The following WNT5A variants were observed in gnomAD, a reference collection of about 807,000 sequenced individuals.
WNT5A encodes the protein Wnt family member 5A.
Under a neutral mutation model 42.1 loss-of-function variants are expected in WNT5A, and 9 were observed. That is an observed-to-expected ratio of 0.21 (90% CI 0.13 to 0.37). WNT5A has a LOEUF of 0.37. Among genes scored for constraint, WNT5A ranks in the 10% least tolerant of loss-of-function variants. The pLI is 1.00. For synonymous variants in WNT5A, 210 were observed against 210.0 expected (o/e 1.00, Z 0.00); for missense variants, 426 against 534.0 (o/e 0.80, Z 1.99).
chr3:55,474,320 C>T lies in WNT5A; in HGVS notation c.684+17G>A. On this transcript the variant is annotated intron_variant, in intron 4 of 4. Transcript: ENST00000264634. ...AGAAGACAGAGATGCGGGGCGGGGGCGAGACGCGGCACTCACCCTGCGGCC... is the reference window on the plus strand; with the variant it reads ...AGAAGACAGAGATGCGGGGCGGGGGTGAGACGCGGCACTCACCCTGCGGCC... The T allele has an allele frequency of 1.9e-6, 3 of 1,612,252 alleles. No homozygotes were observed. The highest frequency in any genetic ancestry group is 3.3e-5 in the Admixed American group (2 of 59,986).
intron 1 of WNT5A, among the ~76,000 whole-genome samples, chr3:55,484,865 T>C (rs1190666886): frequency 2.0e-5 from 3 of 152,188 alleles, no homozygotes; most frequent in African/African-American, 7.2e-5. Context: ...TAAAGGTAGT[T>C]TCTCTCCCAC....
At chr3:55,479,071 T>C in intron 3 of WNT5A, 1 of 343,386 alleles carries the variant, frequency 2.9e-6, no homozygotes, top group Non-Finnish European at 5.2e-6. Flanking sequence ...AAAAATTAAG[T>C]GTTTGCAAAA....
the WNT5A span, among the ~76,000 whole-genome samples, chr3:55,502,988 A>G: frequency 2.0e-5 from 3 of 152,224 alleles, no homozygotes; most frequent in Non-Finnish European, 2.9e-5. Flanking sequence ...CTGAATTTTT[A>G]AAACCTGGTG....
the WNT5A span, among the ~76,000 whole-genome samples, chr3:55,497,083 G>A: frequency 2.6e-5 from 4 of 152,276 alleles, no homozygotes; most frequent in South Asian, 2.1e-4. Context: ...AGATCACACC[G>A]GTTTGTCCAT....
In WNT5A at chr3:55,468,220, T is replaced by C. The variant is rs1361886093; in HGVS notation, c.*1872A>G. ...AATTAATAAGTACTGTCATTTCTAATAGGCATGGGTTTCCATTCTGCAGAA... is the reference window on the plus strand; with the variant it reads ...AATTAATAAGTACTGTCATTTCTAACAGGCATGGGTTTCCATTCTGCAGAA... On this transcript the variant is annotated 3_prime_UTR_variant, in exon 5 of 5. Transcript: ENST00000264634. 1 of 150,972 alleles carries C rather than the reference T, an allele frequency of 6.6e-6. No homozygotes were observed. Among genetic ancestry groups the C allele is most frequent in the Non-Finnish European group, 1.5e-5 (1 of 67,810 alleles). The allele number at this position is 150,972 out of a possible 1,614,324, so 9.4% of individuals were successfully genotyped here.
At chr3:55,482,489 T>A (rs1215089602) in intron 1 of WNT5A, among the ~76,000 whole-genome samples, 3 of 152,316 alleles carry the variant, frequency 2.0e-5, no homozygotes, top group Non-Finnish European at 2.9e-5. Context: ...GCTTGGAACC[T>A]GTGCCGTAAA....
chr3:55,468,488 G>A lies in WNT5A; in HGVS notation c.*1604C>T, dbSNP rs2106877877. 1 of 152,162 alleles carries A rather than the reference G, an allele frequency of 6.6e-6. No homozygotes were observed. Among genetic ancestry groups the A allele is most frequent in the Middle Eastern group, 3.4e-3 (1 of 294 alleles). The allele number at this position is 152,162 out of a possible 1,614,324, so 9.4% of individuals were successfully genotyped here. ...CGTGCTCAAGGTATGATCACAGCAG[G>A]GCCACAGCCCAAGCTCAAGACTCAA... is the stretch of plus-strand genomic sequence containing the variant. On this transcript the variant is annotated 3_prime_UTR_variant, in exon 5 of 5. Coordinates refer to ENST00000264634, the MANE Select transcript of WNT5A (RefSeq NM_003392.7).
rs781617053 is a variant in WNT5A, at chr3:55,470,410, G to A, written c.825C>T (p.Ala275=). 6.2e-7 allele frequency: 1 copy of A among 1,613,440 alleles called. No individual in the cohort carries two copies. The highest frequency in any genetic ancestry group is 8.5e-7 in the Non-Finnish European group (1 of 1,179,682). ...ALKEKYDSAA[A]MRLNSRGKLV... is the part of the protein sequence containing the mutation. ...ACTTGCCCCGGCTGTTGAGCCGCAT[G>A]GCCGCCGCGCTGTCGTACTTCTCCT... The change falls in exon 5 of 5, where the codon GCC becomes GCT. Residue 275 remains alanine, a synonymous_variant. Transcript: ENST00000264634.
Position 55,483,415 on chromosome 3 carries a change from A to G in WNT5A, c.7-2497T>C, listed in dbSNP as rs979440923. ...AAGAACTCACAGCGAACTCACACAT[A>G]CATCGGCTCTGTAGGGTAAAACATC... is the stretch of plus-strand genomic sequence containing the variant. On this transcript the variant is annotated intron_variant, in intron 1 of 4. Transcript: ENST00000264634. The surrounding 1 kb of genome is among the most constrained non-coding windows in gnomAD (Gnocchi z 4.2). Among the ~76,000 whole-genome samples the G allele has an allele frequency of 1.3e-5, 2 of 152,140 alleles. No homozygotes were observed. Among genetic ancestry groups the G allele is most frequent in the Non-Finnish European group, 2.9e-5 (2 of 68,016 alleles).
intron 1 of WNT5A, among the ~76,000 whole-genome samples, chr3:55,484,362 G>C (rs1276051697): frequency 6.6e-6 from 1 of 152,192 alleles, no homozygotes; most frequent in Non-Finnish European, 1.5e-5. Flanking sequence ...AGGCGGGTAG[G>C]AGGTCCGCTT....
the WNT5A span, among the ~76,000 whole-genome samples, chr3:55,504,525 G>A: frequency 8.6e-5 from 13 of 150,524 alleles, no homozygotes; most frequent in South Asian, 4.2e-4. Context: ...GCTCAATGGC[G>A]CGATATCGGC....
chr3:55,470,303 C>T lies in WNT5A; in HGVS notation c.932G>A (p.Arg311His), dbSNP rs752974227. ...GCCCAGCGAGCCGGTGCTCTCATTG[C>T]GCACGCAGTAGTCAGGGCTGGGGTC... ...YIDPSPDYCV[R>H]NESTGSLGTQ... Residue 311 changes from arginine to histidine, a missense_variant, in exon 5 of 5, where the codon CGC becomes CAC. Arg to His is a conservative substitution (Grantham distance 29, BLOSUM62 0). Around this residue, in one of 3 missense-constraint regions of WNT5A, gnomAD observed 358 missense variants for 468.1 expected, o/e 0.76. Coordinates refer to ENST00000264634, the MANE Select transcript of WNT5A (RefSeq NM_003392.7). 6.2e-7 allele frequency: 1 copy of T among 1,614,046 alleles called. No individual in the cohort carries two copies. Among genetic ancestry groups the T allele is most frequent in the Non-Finnish European group, 8.5e-7 (1 of 1,179,908 alleles).
In WNT5A at chr3:55,468,184, C is replaced by G. The variant is rs950775451; in HGVS notation, c.*1908G>C. 4 of 148,590 alleles carry G rather than the reference C, an allele frequency of 2.7e-5. No individual in the cohort carries two copies. Among genetic ancestry groups the G allele is most frequent in the Admixed American group, 6.8e-5 (1 of 14,806 alleles). The allele number at this position is 148,590 out of a possible 1,614,324, so 9.2% of individuals were successfully genotyped here. On this transcript the variant is annotated 3_prime_UTR_variant, in exon 5 of 5. Coordinates refer to ENST00000264634, the MANE Select transcript of WNT5A (RefSeq NM_003392.7). The stretch of plus-strand genomic sequence containing the variant: ...TATCTATGTAGTGGGCTGAATATTC[C>G]TTAGGGACTCAATTAATAAGTACTG...
intron 1 of WNT5A, among the ~76,000 whole-genome samples, chr3:55,482,484 G>T (rs1365990894): frequency 6.6e-6 from 1 of 152,196 alleles, no homozygotes; most frequent in Non-Finnish European, 1.5e-5. Context: ...GCCTGGCTTG[G>T]AACCTGTGCC....
In WNT5A at chr3:55,470,371, G is replaced by A. The variant is rs752820651; in HGVS notation, c.864C>T (p.Asn288=). 3 of 1,614,034 alleles carry A rather than the reference G, an allele frequency of 1.9e-6. No individual in the cohort carries two copies. The South Asian group carries it at 3.3e-5, about 18-fold the overall frequency. ...LNSRGKLVQV[N]SRFNSPTTQD... ...GTGTGGTGGGCGAGTTGAAGCGGCT[G>A]TTGACCTGTACCAACTTGCCCCGGC... is the stretch of plus-strand genomic sequence containing the variant. Residue 288 remains asparagine, a synonymous_variant, in exon 5 of 5, where the codon AAC becomes AAT. Coordinates refer to ENST00000264634, the MANE Select transcript of WNT5A (RefSeq NM_003392.7).
At chr3:55,502,692 T>C in the WNT5A span, among the ~76,000 whole-genome samples, 1 of 152,220 alleles carries the variant, frequency 6.6e-6, no homozygotes, top group Non-Finnish European at 1.5e-5. Context: ...AGAATCATGC[T>C]GTAAAATCAA....
Position 55,483,951 on chromosome 3 carries a change from C to G in WNT5A, c.6+3029G>C, listed in dbSNP as rs1042437307. 6.6e-6 allele frequency among the ~76,000 whole-genome samples: 1 copy of G among 151,950 alleles called. No individual in the cohort carries two copies. The highest frequency in any genetic ancestry group is 2.4e-5 in the African/African-American group (1 of 41,350). ...GTCTCGCAACACCCAACTCCTCCTC[C>G]GCAGGCAGTCCCTTAAGAGAATAGA... On this transcript the variant is annotated intron_variant, in intron 1 of 4. Coordinates refer to ENST00000264634, the MANE Select transcript of WNT5A (RefSeq NM_003392.7). The surrounding 1 kb of genome is among the most constrained non-coding windows in gnomAD (Gnocchi z 4.2).
chr3:55,487,927 C>CA (rs1214109980), upstream of WNT5A: 4 of 152,384 alleles, frequency 2.6e-5, no homozygotes, highest in East Asian at 7.7e-4. Flanking sequence ...GGGCTCCCCC[C>CA]CCCCACCACG....
In WNT5A at chr3:55,467,214, A is replaced by G. The variant is rs182690547; in HGVS notation, c.*2878T>C. 9.2e-5 allele frequency: 14 copies of G among 152,670 alleles called. No homozygotes were observed. The East Asian group carries it at 2.7e-3, about 29-fold the overall frequency. The allele number at this position is 152,670 out of a possible 1,614,324, so 9.5% of individuals were successfully genotyped here. On this transcript the variant is annotated 3_prime_UTR_variant, in exon 5 of 5. Transcript: ENST00000264634. ...ACAAAAAAATACATTTTTTTGGACT[A>G]AAAATCTGGTCACGGATAAAAGCAT...
Sources: allele counts gnomAD v4.1 joint callset (sites outside exome capture counted in the v4.1 genomes callset), GRCh38; gene constraint gnomAD v4.1.1; regional missense constraint gnomAD v4.1.1; non-coding constraint Gnocchi (gnomAD v3.1); transcripts MANE v1.5; gene names NCBI Gene and HGNC (gene_info 2026-07-23, HGNC 2026-07-21).